The following RUNX2 variants were observed in gnomAD, a reference collection of about 807,000 sequenced individuals.
RUNX2 encodes runt-related transcription factor 2.
In RUNX2, 10 loss-of-function variants were observed where a neutral mutation model predicts 51.7. The ratio of observed to expected loss-of-function variants is 0.19; its 90% CI spans 0.12 to 0.33. The LOEUF (loss-of-function observed/expected upper bound fraction) is 0.33, where lower values mean the gene tolerates loss of function less well. Ranked by LOEUF, RUNX2 falls within the 10% of genes least tolerant of loss-of-function variation. The pLI is 1.00. For missense variants in RUNX2, 562 were observed against 691.3 expected (o/e 0.81, Z 2.10); for synonymous variants, 276 against 273.6 (o/e 1.01, Z -0.09).
intron 5 of RUNX2, among the ~76,000 whole-genome samples, chr6:45,459,371 C>T (rs143671445): frequency 1.4e-3 from 216 of 152,326 alleles, no homozygotes; most frequent in African/African-American, 4.8e-3. Flanking sequence ...CTTTTCTCTA[C>T]GTTGCTCACA....
At position 45,422,753 on chromosome 6, in the gene RUNX2, G is replaced by T. The variant is rs1022449962; in HGVS notation, c.219G>T (p.Ala73=). 1.8e-5 allele frequency: 25 copies of T among 1,352,974 alleles called. No homozygotes were observed. The African/African-American group carries it at 2.5e-4, about 14-fold the overall frequency. The allele number at this position is 1,352,974 out of a possible 1,614,324, so 83.8% of individuals were successfully genotyped here. A position where few individuals can be genotyped will look rare whatever the true frequency, so the allele number is the denominator to read the frequency against. The change falls in exon 3 of 9, where the codon GCG becomes GCT. Residue 73 remains alanine (A), a synonymous_variant. Transcript: ENST00000647337. ...QQQQQQQQQE[A]AAAAAAAAAA... Reference sequence around the variant, plus strand: ...AACAGCAGCAGCAGCAGCAGGAGGCGGCGGCGGCGGCTGCGGCGGCGGCGG... The same window carrying T: ...AACAGCAGCAGCAGCAGCAGGAGGCTGCGGCGGCGGCTGCGGCGGCGGCGG...
At chr6:45,511,433 T>G (rs1031900114) in intron 6 of RUNX2, among the ~76,000 whole-genome samples, 3 of 152,194 alleles carry the variant, frequency 2.0e-5, no homozygotes, top group Non-Finnish European at 2.9e-5. Flanking sequence ...TTCTCCTGTT[T>G]TGGGGCATTT....
intron 2 of RUNX2, among the ~76,000 whole-genome samples, chr6:45,409,398 C>A (rs1033643967): frequency 8.5e-5 from 13 of 152,162 alleles, no homozygotes; most frequent in Admixed American, 7.9e-4. Flanking sequence ...CCTTAGGATA[C>A]CCACATGGGC....
chr6:45,496,561 G>T (rs1418728148), intron 6 of RUNX2, among the ~76,000 whole-genome samples: 5 of 152,172 alleles, frequency 3.3e-5, no homozygotes, highest in Non-Finnish European at 7.3e-5. Context: ...GTTGAGAAAA[G>T]GTCCTTTGAA....
chr6:45,417,926 A>G (rs1470419177), intron 2 of RUNX2, among the ~76,000 whole-genome samples: 1 of 152,220 alleles, frequency 6.6e-6, no homozygotes, highest in African/African-American at 2.4e-5. Flanking sequence ...CCCATGGGCC[A>G]TAGTATGACG....
intron 7 of RUNX2, among the ~76,000 whole-genome samples, chr6:45,519,836 G>GTGTA (rs1430887373): frequency 0.1 from 13,670 of 134,248 alleles, 771 homozygotes; most frequent in Non-Finnish European, 0.14. Flanking sequence ...GTGTGTGTGT[G>GTGTA]TATATATTTG....
intron 6 of RUNX2, among the ~76,000 whole-genome samples, chr6:45,497,154 G>C (rs541320377): frequency 6.6e-6 from 1 of 152,208 alleles, no homozygotes; most frequent in African/African-American, 2.4e-5. Context: ...CACCCAAGGG[G>C]CTTCCCTTCT....
At chr6:45,362,162 G>A (rs1055513657) in intron 2 of RUNX2, among the ~76,000 whole-genome samples, 1 of 152,188 alleles carries the variant, frequency 6.6e-6, no homozygotes, top group Non-Finnish European at 1.5e-5. Flanking sequence ...TCTAATACTA[G>A]GACAGATTGG....
In RUNX2 at chr6:45,516,950, T is replaced by C. The variant is rs968484990; in HGVS notation, c.1021+4543T>C. On this transcript the variant is annotated intron_variant, in intron 7 of 8. Coordinates refer to ENST00000647337, the MANE Select transcript of RUNX2 (RefSeq NM_001024630.4). The stretch of plus-strand genomic sequence containing the variant: ...GTCTCCTAGAGAGCTTACACAGGTT[T>C]TTTTTTTCACTGCAAATAACTCCTC... 9.8e-5 allele frequency among the ~76,000 whole-genome samples: 15 copies of C among 152,310 alleles called. 1 individual carries two copies. The South Asian group carries it at 1.7e-3, about 17-fold the overall frequency.
chr6:45,360,653 C>G (rs1794093517), intron 2 of RUNX2, among the ~76,000 whole-genome samples: 1 of 152,208 alleles, frequency 6.6e-6, no homozygotes, highest in Non-Finnish European at 1.5e-5. Context: ...CTCTAGTACA[C>G]TGCAGCAATG....
At chr6:45,455,799 A>G (rs545323601) in intron 5 of RUNX2, among the ~76,000 whole-genome samples, 43 of 152,330 alleles carry the variant, frequency 2.8e-4, no homozygotes, top group Non-Finnish European at 4.6e-4. Context: ...GAGAAACTGC[A>G]ATTATTATTG....
At chr6:45,468,844 T>A (rs1799715693) in intron 5 of RUNX2, among the ~76,000 whole-genome samples, 1 of 152,170 alleles carries the variant, frequency 6.6e-6, no homozygotes, top group Admixed American at 6.5e-5. Flanking sequence ...CCCAATCATG[T>A]AACAATCAAA....
chr6:45,342,429 T>C (rs1486182213), intron 2 of RUNX2, among the ~76,000 whole-genome samples: 2 of 152,018 alleles, frequency 1.3e-5, no homozygotes, highest in African/African-American at 4.8e-5. Flanking sequence ...GCCCAGATAA[T>C]TTTGTATTTT....
intron 2 of RUNX2, among the ~76,000 whole-genome samples, chr6:45,371,394 CT>C (rs560509544): frequency 0.024 from 3,323 of 138,838 alleles, 47 homozygotes; most frequent in African/African-American, 0.043. Flanking sequence ...TATTAGCTCA[CT>C]TTTTTTTTTT....
At chr6:45,440,745 T>A (rs1310135498) in intron 5 of RUNX2, among the ~76,000 whole-genome samples, 1 of 152,154 alleles carries the variant, frequency 6.6e-6, no homozygotes, top group Non-Finnish European at 1.5e-5. Flanking sequence ...GTATGTTTCA[T>A]ATACACCTTA....
At chr6:45,374,657 C>G (rs1796522625) in intron 2 of RUNX2, among the ~76,000 whole-genome samples, 1 of 152,096 alleles carries the variant, frequency 6.6e-6, no homozygotes, top group African/African-American at 2.4e-5. Flanking sequence ...TCAACCTCAC[C>G]ATAAAATAAA....
intron 2 of RUNX2, among the ~76,000 whole-genome samples, chr6:45,367,330 T>C (rs1795309123): frequency 6.6e-6 from 1 of 152,080 alleles, no homozygotes. Flanking sequence ...ATGAAGAACA[T>C]AATGCTAAGA....
chr6:45,405,207 G>A (rs958119781), intron 2 of RUNX2, among the ~76,000 whole-genome samples: 5 of 152,116 alleles, frequency 3.3e-5, no homozygotes, highest in Admixed American at 6.5e-5. Context: ...CATTTATCTG[G>A]CAATTAAGTG....
intron 5 of RUNX2, among the ~76,000 whole-genome samples, chr6:45,484,243 G>A (rs1019861774): frequency 6.6e-6 from 1 of 152,146 alleles, no homozygotes; most frequent in African/African-American, 2.4e-5. Flanking sequence ...ATGGGCTGGA[G>A]TGGATGATGG....
Sources: gnomAD v4.1 joint callset for allele counts (sites outside exome capture counted in the v4.1 genomes callset) on GRCh38, gnomAD v4.1.1 for gene constraint, MANE v1.5 for transcripts, NCBI Gene and HGNC (gene_info 2026-07-23, HGNC 2026-07-21) for gene names.